CSMD1: variants seen among roughly 807,000 people sequenced by gnomAD.
The protein encoded by CSMD1 is CUB and sushi domain-containing protein 1.
Under a neutral mutation model 417.5 loss-of-function variants are expected in CSMD1, and 213 were observed. The ratio of observed to expected loss-of-function variants is 0.51; its 90% CI spans 0.46 to 0.57. CSMD1 has a LOEUF of 0.57. Ranked by LOEUF, CSMD1 falls within the 20% of genes least tolerant of loss-of-function variation. The pLI, the probability that CSMD1 is intolerant of heterozygous loss-of-function variation, is 0.00. For missense variants in CSMD1, 6,923 were observed against 4,529.7 expected (o/e 1.53, Z -15.17); for synonymous variants, 2,862 against 1,736.8 (o/e 1.65, Z -16.11).
chr8:3,210,400 A>C (rs1164390860), intron 30 of CSMD1, among the ~76,000 whole-genome samples: 4 of 151,284 alleles, frequency 2.6e-5, no homozygotes, highest in Non-Finnish European at 5.9e-5. Context: ...CTAATTAAAA[A>C]TTTGGTTTTA....
At chr8:3,508,441 G>A (rs149436702) in intron 10 of CSMD1, among the ~76,000 whole-genome samples, 1 of 151,796 alleles carries the variant, frequency 6.6e-6, no homozygotes, top group Non-Finnish European at 1.5e-5. Flanking sequence ...CACCAACATG[G>A]CACATGTATA....
chr8:4,119,393 T>G (rs1802349326), intron 3 of CSMD1, among the ~76,000 whole-genome samples: 1 of 152,192 alleles, frequency 6.6e-6, no homozygotes, highest in Non-Finnish European at 1.5e-5. Flanking sequence ...ACTACTGATT[T>G]TACTGTTTTC....
chr8:4,870,713 G>A (rs1375068479), intron 1 of CSMD1, among the ~76,000 whole-genome samples: 1 of 152,132 alleles, frequency 6.6e-6, no homozygotes, highest in East Asian at 1.9e-4. Flanking sequence ...GACAAAGCCA[G>A]CCTTTGCCTT....
At chr8:4,724,113 T>A (rs1369245315) in intron 1 of CSMD1, among the ~76,000 whole-genome samples, 1 of 152,204 alleles carries the variant, frequency 6.6e-6, no homozygotes, top group Non-Finnish European at 1.5e-5. Flanking sequence ...TTTGTCATTT[T>A]CCTGTAAGAC....
At chr8:3,988,488 A>G (rs1814500888) in intron 5 of CSMD1, among the ~76,000 whole-genome samples, 1 of 152,240 alleles carries the variant, frequency 6.6e-6, no homozygotes, top group Non-Finnish European at 1.5e-5. Flanking sequence ...GGAGCACGGA[A>G]CAGCAGCACC....
Position 4,892,033 on chromosome 8 carries a change from G to C in CSMD1, c.85+102299C>G, listed in dbSNP as rs17433116. Among the ~76,000 whole-genome samples, 259 of 152,130 alleles carry C rather than the reference G, an allele frequency of 1.7e-3. 4 individuals carry two copies. The highest frequency in any genetic ancestry group is 5.7e-3 in the African/African-American group (238 of 41,424). On this transcript the variant is annotated intron_variant, in intron 1 of 69. Coordinates refer to ENST00000635120, the MANE Select transcript of CSMD1 (RefSeq NM_033225.6). ...AATGAGAGCACCACTAACACCACCA[G>C]ATGTAGAAATAAACATTCTGAGTCA...
intron 51 of CSMD1, among the ~76,000 whole-genome samples, chr8:3,020,024 C>G (rs1303416408): frequency 2.0e-5 from 3 of 152,208 alleles, no homozygotes; most frequent in Non-Finnish European, 4.4e-5. Flanking sequence ...CTTCCTTATT[C>G]ACAGTAAACC....
chr8:4,326,476 A>T (rs923370873), intron 3 of CSMD1, among the ~76,000 whole-genome samples: 3 of 152,312 alleles, frequency 2.0e-5, no homozygotes, highest in South Asian at 2.1e-4. Context: ...TGACATAAGG[A>T]AGTATCAAGA....
chr8:4,892,441 A>G (rs1804182553), intron 1 of CSMD1, among the ~76,000 whole-genome samples: 1 of 152,100 alleles, frequency 6.6e-6, no homozygotes, highest in Admixed American at 6.5e-5. Flanking sequence ...AATAGAGATT[A>G]TAAAAAAATA....
intron 3 of CSMD1, among the ~76,000 whole-genome samples, chr8:4,094,704 A>G (rs570886017): frequency 1.2e-3 from 184 of 152,254 alleles, no homozygotes; most frequent in African/African-American, 4.3e-3. Flanking sequence ...GCCGGCTTCT[A>G]GAGAGACAGG....
At chr8:3,841,749 G>C (rs1196503114) in intron 5 of CSMD1, among the ~76,000 whole-genome samples, 2 of 151,832 alleles carry the variant, frequency 1.3e-5, no homozygotes, top group Admixed American at 1.3e-4. Flanking sequence ...CTTTAACTGA[G>C]CTACATTAAT....
chr8:4,461,499 G>A (rs1172852851), intron 2 of CSMD1, among the ~76,000 whole-genome samples: 1 of 142,692 alleles, frequency 7.0e-6, no homozygotes, highest in African/African-American at 2.6e-5. Flanking sequence ...AACATCTCCA[G>A]CAAGGTTACA....
intron 2 of CSMD1, among the ~76,000 whole-genome samples, chr8:4,614,687 C>T (rs764168266): frequency 8.6e-5 from 13 of 151,978 alleles, no homozygotes; most frequent in South Asian, 4.2e-4. Flanking sequence ...ACTGGATGCA[C>T]GAATGCACAC....
chr8:3,984,696 GTATATATCATATATATATA>G (rs1163696103), intron 5 of CSMD1, among the ~76,000 whole-genome samples: 1 of 119,912 alleles, frequency 8.3e-6, no homozygotes, highest in African/African-American at 3.1e-5. Flanking sequence ...AGGATTCAGT[GTATATATCATATATATATA>G]TATATATATA....
intron 1 of CSMD1, among the ~76,000 whole-genome samples, chr8:4,867,562 G>C (rs1186515656): frequency 1.3e-5 from 2 of 152,030 alleles, no homozygotes; most frequent in Non-Finnish European, 2.9e-5. Context: ...GATAGTCCCA[G>C]AGCAGCCATA....
intron 1 of CSMD1, among the ~76,000 whole-genome samples, chr8:4,669,128 T>C (rs1805131051): frequency 6.6e-6 from 1 of 152,206 alleles, no homozygotes; most frequent in African/African-American, 2.4e-5. Flanking sequence ...ATTTGGCATG[T>C]GTTTTCTCCC....
At chr8:4,922,305 G>A (rs182730249) in intron 1 of CSMD1, among the ~76,000 whole-genome samples, 94 of 152,184 alleles carry the variant, frequency 6.2e-4, no homozygotes, top group Non-Finnish European at 1.1e-3. Flanking sequence ...ATTGATTCTT[G>A]TTACATAACC....
chr8:3,772,277 A>ATATATTTAGACATACATATGTACG (rs1798621221), intron 5 of CSMD1, among the ~76,000 whole-genome samples: 1 of 142,886 alleles, frequency 7.0e-6, no homozygotes, highest in Non-Finnish European at 1.5e-5. Context: ...ACATATGTAC[A>ATATATTTAGACATACATATGTACG]TATATTTAGA....
intron 3 of CSMD1, among the ~76,000 whole-genome samples, chr8:4,239,119 G>A (rs1357200875): frequency 2.0e-5 from 3 of 152,078 alleles, no homozygotes; most frequent in Admixed American, 2.0e-4. Context: ...AGATTATGTG[G>A]GTTAAAACAA....
Sources: gnomAD v4.1 joint callset for allele counts (sites outside exome capture counted in the v4.1 genomes callset) on GRCh38, gnomAD v4.1.1 for gene constraint, MANE v1.5 for transcripts, NCBI Gene and HGNC (gene_info 2026-07-23, HGNC 2026-07-21) for gene names.